PDSS2: variants seen among roughly 807,000 people sequenced by gnomAD.
PDSS2 encodes the protein decaprenyl diphosphate synthase subunit 2, also known as all trans-polyprenyl-diphosphate synthase PDSS2.
Under a neutral mutation model 44.5 loss-of-function variants are expected in PDSS2, and 31 were observed. The observed-to-expected ratio is 0.70, with a 90% CI of 0.52 to 0.94. The LOEUF (loss-of-function observed/expected upper bound fraction) is 0.94. PDSS2 is among the 40% of genes least tolerant of loss of function. PDSS2 has a pLI of 0.00. For synonymous variants in PDSS2, 157 were observed against 180.3 expected (o/e 0.87, Z 1.03); for missense variants, 452 against 482.2 (o/e 0.94, Z 0.59).
intron 1 of PDSS2, among the ~76,000 whole-genome samples, chr6:107,440,708 G>A (rs1280809378): frequency 6.6e-6 from 1 of 152,210 alleles, no homozygotes; most frequent in Non-Finnish European, 1.5e-5. Flanking sequence ...GCCAGAAAAA[G>A]CAAATGAGAG....
At chr6:107,261,907 C>CTTTTTTTT (rs58274022) in intron 3 of PDSS2, among the ~76,000 whole-genome samples, 9 of 117,102 alleles carry the variant, frequency 7.7e-5, no homozygotes, top group East Asian at 6.8e-4. Context: ...TCTTTCTTTT[C>CTTTTTTTT]TTTTTTTTTT....
At chr6:107,242,086 T>C (rs928174938) in intron 4 of PDSS2, among the ~76,000 whole-genome samples, 1 of 151,944 alleles carries the variant, frequency 6.6e-6, no homozygotes, top group African/African-American at 2.4e-5. Context: ...AAACAAATTC[T>C]GAAGAGCCAT....
intron 2 of PDSS2, among the ~76,000 whole-genome samples, chr6:107,280,399 A>AT (rs1775923480): frequency 6.6e-6 from 1 of 152,210 alleles, no homozygotes; most frequent in South Asian, 2.1e-4. Context: ...GTCACAAATA[A>AT]ATACAACTTA....
chr6:107,292,574 T>A (rs996104830), intron 2 of PDSS2, among the ~76,000 whole-genome samples: 1 of 152,218 alleles, frequency 6.6e-6, no homozygotes, highest in Non-Finnish European at 1.5e-5. Flanking sequence ...CATGGTCTCT[T>A]TATGCATGAA....
chr6:107,450,996 A>C (rs1436938818), intron 1 of PDSS2, among the ~76,000 whole-genome samples: 1 of 152,032 alleles, frequency 6.6e-6, no homozygotes, highest in African/African-American at 2.4e-5. Context: ...ACACCCAACT[A>C]ATTTTTTATA....
chr6:107,230,211 T>C (rs534560400), intron 4 of PDSS2: 16 of 144,400 alleles, frequency 1.1e-4, no homozygotes, highest in African/African-American at 3.9e-4. Context: ...ACGACAAAAC[T>C]GAAGGAAAAA....
intron 7 of PDSS2, among the ~76,000 whole-genome samples, chr6:107,173,572 CAAAAAAAAAAAAAA>C (rs71012783): frequency 4.8e-5 from 2 of 41,508 alleles, no homozygotes; most frequent in Non-Finnish European, 7.3e-5. Context: ...GACTCTGTCT[CAAAAAAAAAAAAAA>C]AAAAAAAAAA....
chr6:107,222,547 C>T (rs906142883), intron 4 of PDSS2, among the ~76,000 whole-genome samples: 1 of 150,918 alleles, frequency 6.6e-6, no homozygotes. Flanking sequence ...CCCAGCTACT[C>T]AGGAGGCTGA....
chr6:107,445,422 A>G lies in PDSS2; in HGVS notation c.296+13568T>C, dbSNP rs532186874. On this transcript the variant is annotated intron_variant, in intron 1 of 7. Transcript: ENST00000369037. ...AACCAAATGTCTTTCAGAATCCAAA[A>G]TTTTTCTGATTTTAGGAAGGTGCAT... 1.8e-4 allele frequency among the ~76,000 whole-genome samples: 28 copies of G among 152,178 alleles called. No homozygotes were observed. The South Asian group carries it at 5.8e-3, about 32-fold the overall frequency.
chr6:107,396,318 A>T (rs545997928), intron 1 of PDSS2, among the ~76,000 whole-genome samples: 1 of 152,196 alleles, frequency 6.6e-6, no homozygotes, highest in Non-Finnish European at 1.5e-5. Flanking sequence ...ACCATTCAGC[A>T]ATACCACAGG....
At chr6:107,446,900 G>C (rs549284210) in intron 1 of PDSS2, among the ~76,000 whole-genome samples, 1 of 151,858 alleles carries the variant, frequency 6.6e-6, no homozygotes, top group Non-Finnish European at 1.5e-5. Context: ...CCCAAATCTC[G>C]TGTGCTCACA....
At chr6:107,322,094 T>C (rs1308169963) in intron 2 of PDSS2, among the ~76,000 whole-genome samples, 1 of 152,232 alleles carries the variant, frequency 6.6e-6, no homozygotes, top group Non-Finnish European at 1.5e-5. Flanking sequence ...AAGAAAAACA[T>C]TAATCATGCT....
chr6:107,416,146 A>G (rs1374003111), intron 1 of PDSS2, among the ~76,000 whole-genome samples: 2 of 152,168 alleles, frequency 1.3e-5, no homozygotes, highest in Non-Finnish European at 2.9e-5. Context: ...TATTTGGGGA[A>G]AATGTATTTT....
rs183533858 is a variant in PDSS2, at chr6:107,308,270, G to C, written c.431+25928C>G. ...TTTTGATTATTTGTAACTTAAAAGA[G>C]AACAGGTAAAAATGGAAAGAACTGT... On this transcript the variant is annotated intron_variant, in intron 2 of 7. Coordinates refer to ENST00000369037, the MANE Select transcript of PDSS2 (RefSeq NM_020381.4). Among the ~76,000 whole-genome samples, 744 of 152,208 alleles carry C rather than the reference G, an allele frequency of 4.9e-3. 2 individuals carry two copies. Among genetic ancestry groups the C allele is most frequent in the African/African-American group, 0.017 (691 of 41,530 alleles).
intron 1 of PDSS2, among the ~76,000 whole-genome samples, chr6:107,373,129 G>A (rs1001942162): frequency 2.0e-5 from 3 of 151,826 alleles, no homozygotes; most frequent in South Asian, 2.1e-4. Context: ...GACTACAGGC[G>A]TGTGCCACCA....
intron 2 of PDSS2, among the ~76,000 whole-genome samples, chr6:107,283,698 C>T (rs1776046670): frequency 6.6e-6 from 1 of 151,618 alleles, no homozygotes; most frequent in Non-Finnish European, 1.5e-5. Context: ...CCAGCCTGGG[C>T]AACAAGAGTG....
rs553220806 is a variant in PDSS2, at chr6:107,319,035, C to T, written c.431+15163G>A. Reference sequence around the variant, plus strand: ...ACACACACACACACACATACACACACACACACACTACACACACACTCAGTA... The same window carrying T: ...ACACACACACACACACATACACACATACACACACTACACACACACTCAGTA... On this transcript the variant is annotated intron_variant, in intron 2 of 7. Transcript: ENST00000369037. 7.2e-5 allele frequency among the ~76,000 whole-genome samples: 11 copies of T among 151,876 alleles called. No homozygotes were observed. In the East Asian group the frequency reaches 2.1e-3, roughly 29 times the overall value.
chr6:107,166,615 C>T (rs1314462476), intron 7 of PDSS2, among the ~76,000 whole-genome samples: 22 of 152,134 alleles, frequency 1.4e-4, no homozygotes, highest in African/African-American at 3.4e-4. Flanking sequence ...CCGCCCGCCT[C>T]GGCCTCCCAA....
chr6:107,312,504 C>T (rs780835813), intron 2 of PDSS2, among the ~76,000 whole-genome samples: 9 of 152,180 alleles, frequency 5.9e-5, no homozygotes, highest in Non-Finnish European at 1.2e-4. Flanking sequence ...TACTTCACCT[C>T]TGTGTGCTTC....
Sources: gnomAD v4.1 joint callset for allele counts (sites outside exome capture counted in the v4.1 genomes callset) on GRCh38, gnomAD v4.1.1 for gene constraint, MANE v1.5 for transcripts, NCBI Gene and HGNC (gene_info 2026-07-23, HGNC 2026-07-21) for gene names.